Variants in PCDH15 observed in about 807,000 individuals in gnomAD.
PCDH15 encodes protocadherin related 15.
Under a neutral mutation model 178.5 loss-of-function variants are expected in PCDH15, and 129 were observed. The ratio of observed to expected loss-of-function variants is 0.72; its 90% CI spans 0.63 to 0.84. The LOEUF (loss-of-function observed/expected upper bound fraction) is 0.84, where lower values mean the gene tolerates loss of function less well. Among genes scored for constraint, PCDH15 ranks in the 40% least tolerant of loss-of-function variants. The pLI, the probability that PCDH15 is intolerant of heterozygous loss-of-function variation, is 0.00. For missense variants in PCDH15, 2,230 were observed against 2,099.9 expected, an observed-to-expected ratio of 1.06 and a Z score of -1.21; for synonymous variants, 800 against 732.0, an observed-to-expected ratio of 1.09 and a Z score of -1.50.
At chr10:54,336,974 T>A (rs1023439699) in intron 6 of PCDH15, among the ~76,000 whole-genome samples, 10 of 152,160 alleles carry the variant, frequency 6.6e-5, no homozygotes, top group African/African-American at 1.9e-4. Flanking sequence ...ACTTCTTGCA[T>A]CAGCATGACC....
intron 9 of PCDH15, 25 bp from the exon 10 acceptor site, chr10:54,214,073 C>T (rs772613691): frequency 3.1e-6 from 4 of 1,285,338 alleles, no homozygotes; most frequent in Admixed American, 1.7e-5. Context: ...GATTTCAGTA[C>T]ATAATTGAGA....
intron 2 of PCDH15, among the ~76,000 whole-genome samples, chr10:55,425,836 C>A (rs1277105667): frequency 6.6e-6 from 1 of 152,044 alleles, no homozygotes; most frequent in Non-Finnish European, 1.5e-5. Flanking sequence ...TTTGTTATGA[C>A]AAATGTCAAA....
rs949234256 is a variant in PCDH15 at position 53,857,214 on chromosome 10, G to A, written c.3767C>T (p.Pro1256Leu). Reference protein sequence around the residue: ...LDMQVIVSNVPPTLVEKKIED... With the variant: ...LDMQVIVSNVLPTLVEKKIED... ...TATCTTTTTTTCCACTAGAGTAGGA[G>A]GCACATTGGAAACAATGACTTGCAT... The change falls in exon 28 of 38, where the codon CCT (proline) becomes CTT (leucine). Residue 1256 changes from proline (P) to leucine (L), a missense_variant. Transcript: ENST00000644397. 1.2e-6 allele frequency: 2 copies of A among 1,611,108 alleles called. No homozygotes were observed. Among genetic ancestry groups the A allele is most frequent in the African/African-American group, 2.7e-5 (2 of 74,664 alleles).
chr10:54,981,663 A>G (rs946327309), intron 2 of PCDH15, among the ~76,000 whole-genome samples: 1 of 152,172 alleles, frequency 6.6e-6, no homozygotes, highest in African/African-American at 2.4e-5. Flanking sequence ...GTGTCAATAT[A>G]TTCTCCATTC....
At chr10:54,355,489 AAT>A (rs1391729983) in intron 5 of PCDH15, among the ~76,000 whole-genome samples, 1 of 152,074 alleles carries the variant, frequency 6.6e-6, no homozygotes, top group African/African-American at 2.4e-5. Flanking sequence ...AACACTGTGC[AAT>A]ATGTTATTTG....
intron 2 of PCDH15, among the ~76,000 whole-genome samples, chr10:55,622,163 A>T (rs1454039856): frequency 3.1e-5 from 3 of 97,272 alleles, no homozygotes; most frequent in Non-Finnish European, 4.2e-5. Flanking sequence ...AAATATATAT[A>T]TTATATATAT....
At chr10:54,228,320 C>T (rs1227756804) in intron 9 of PCDH15, among the ~76,000 whole-genome samples, 2 of 152,102 alleles carry the variant, frequency 1.3e-5, no homozygotes, top group African/African-American at 2.4e-5. Flanking sequence ...AAAGAGAGAA[C>T]ACTTGTGCAG....
At chr10:54,389,998 G>A (rs1053844831) in intron 3 of PCDH15, among the ~76,000 whole-genome samples, 24 of 152,148 alleles carry the variant, frequency 1.6e-4, no homozygotes, top group African/African-American at 5.5e-4. Context: ...GTTGAAATTT[G>A]AGAACCTTGT....
At chr10:55,471,211 C>G (rs1407895801) in intron 2 of PCDH15, among the ~76,000 whole-genome samples, 2 of 152,074 alleles carry the variant, frequency 1.3e-5, no homozygotes, top group Non-Finnish European at 2.9e-5. Context: ...CCTAAAGTTT[C>G]TTGACTAAAT....
chr10:55,210,629 T>TTTTTTTTTTTTTTTTTTTTTTTTTTG (rs1840541879), intron 1 of PCDH15, among the ~76,000 whole-genome samples: 1 of 120,610 alleles, frequency 8.3e-6, no homozygotes, highest in Non-Finnish European at 1.7e-5. Flanking sequence ...TTTTTTTTTT[T>TTTTTTTTTTTTTTTTTTTTTTTTTTG]TTTTTTTTTT....
At chr10:53,868,830 A>G (rs1319128487) in intron 26 of PCDH15, among the ~76,000 whole-genome samples, 1 of 152,058 alleles carries the variant, frequency 6.6e-6, no homozygotes, top group Non-Finnish European at 1.5e-5. Flanking sequence ...GGGAGTTAAT[A>G]TTCTCTTTTC....
At chr10:55,528,693 G>C (rs894104049) in intron 2 of PCDH15, among the ~76,000 whole-genome samples, 1 of 152,100 alleles carries the variant, frequency 6.6e-6, no homozygotes, top group African/African-American at 2.4e-5. Flanking sequence ...GCATACGTGT[G>C]CATGTGTCTT....
intron 3 of PCDH15, among the ~76,000 whole-genome samples, chr10:54,853,781 T>C (rs769657146): frequency 6.6e-6 from 1 of 152,176 alleles, no homozygotes; most frequent in African/African-American, 2.4e-5. Flanking sequence ...ACATAATTTA[T>C]TGGATATGCA....
intron 6 of PCDH15, among the ~76,000 whole-genome samples, chr10:54,336,386 C>T (rs568010324): frequency 6.6e-6 from 1 of 152,256 alleles, no homozygotes; most frequent in East Asian, 1.9e-4. Context: ...CAGCCCCTCC[C>T]ATCATAGGCC....
chr10:53,917,130 A>G (rs1388174353), intron 25 of PCDH15, among the ~76,000 whole-genome samples: 3 of 152,168 alleles, frequency 2.0e-5, no homozygotes, highest in Non-Finnish European at 4.4e-5. Context: ...AACATATGAA[A>G]AGTACTGTGT....
At chr10:54,538,309 C>T (rs1189832567) in intron 2 of PCDH15, among the ~76,000 whole-genome samples, 1 of 152,098 alleles carries the variant, frequency 6.6e-6, no homozygotes, top group Non-Finnish European at 1.5e-5. Context: ...AAGTAAGGGT[C>T]CAGTTTAATT....
At chr10:54,842,092 T>C (rs1953429055) in intron 3 of PCDH15, among the ~76,000 whole-genome samples, 1 of 151,858 alleles carries the variant, frequency 6.6e-6, no homozygotes. Flanking sequence ...GGACTTATTC[T>C]CTTATGTAAC....
chr10:55,557,113 CTT>C (rs1336166955), intron 2 of PCDH15, among the ~76,000 whole-genome samples: 6 of 152,062 alleles, frequency 3.9e-5, no homozygotes, highest in Non-Finnish European at 5.9e-5. Context: ...TATAGCCAAA[CTT>C]ATCTATCTTT....
intron 14 of PCDH15, among the ~76,000 whole-genome samples, chr10:54,143,852 A>G (rs1440284384): frequency 1.3e-5 from 2 of 152,122 alleles, no homozygotes; most frequent in Admixed American, 1.3e-4. Flanking sequence ...GTTTGCATAC[A>G]TTTAATGACA....
Sources: gnomAD v4.1 joint callset for allele counts (sites outside exome capture counted in the v4.1 genomes callset) on GRCh38, gnomAD v4.1.1 for gene constraint, MANE v1.5 for transcripts, NCBI Gene and HGNC (gene_info 2026-07-23, HGNC 2026-07-21) for gene names.